The following RARB variants were observed in gnomAD, a reference collection of about 807,000 sequenced individuals.
The protein encoded by RARB is retinoic acid receptor beta.
Under a neutral mutation model 51.9 loss-of-function variants are expected in RARB, and 17 were observed. The observed-to-expected ratio is 0.33, with a 90% confidence interval of 0.22 to 0.49. The LOEUF is 0.49. Ranked by LOEUF, RARB falls within the 20% of genes least tolerant of loss-of-function variation. The probability of loss-of-function intolerance (pLI) is 0.99; values close to 1 mark genes in which losing one functional copy is unlikely to be tolerated. For synonymous variants in RARB, 215 were observed against 195.4 expected, an observed-to-expected ratio of 1.10 and a Z score of -0.84; for missense variants, 369 against 550.8, an observed-to-expected ratio of 0.67 and a Z score of 3.30.
At chr3:25,171,012 C>CTT (rs112633349) in intron 4 of RARB, among the ~76,000 whole-genome samples, 3 of 149,428 alleles carry the variant, frequency 2.0e-5, no homozygotes, top group Admixed American at 6.7e-5. Context: ...TTATTTTAAT[C>CTT]TTTTTTTTTT....
intron 5 of RARB, among the ~76,000 whole-genome samples, chr3:25,315,121 G>A (rs1209235908): frequency 6.6e-6 from 1 of 152,146 alleles, no homozygotes; most frequent in African/African-American, 2.4e-5. Context: ...TAAAATTCAT[G>A]CTGAATGTGG....
intron 2 of RARB, among the ~76,000 whole-genome samples, chr3:24,861,966 C>T (rs1702756940): frequency 6.6e-6 from 1 of 152,208 alleles, no homozygotes; most frequent in Admixed American, 6.5e-5. Flanking sequence ...AGTGGATCAG[C>T]TGTCCTGCTG....
intron 2 of RARB, among the ~76,000 whole-genome samples, chr3:24,925,468 C>T (rs1273510086): frequency 4.0e-5 from 6 of 151,652 alleles, no homozygotes. Flanking sequence ...TACGGCAAAA[C>T]CCTGTCTCTA....
chr3:25,193,530 T>C (rs1227718271), intron 5 of RARB, among the ~76,000 whole-genome samples: 2 of 152,060 alleles, frequency 1.3e-5, no homozygotes, highest in Admixed American at 6.6e-5. Flanking sequence ...TCAACTGTAA[T>C]TGCTTGTCAG....
intron 1 of RARB, among the ~76,000 whole-genome samples, chr3:24,857,513 T>G (rs1702657105): frequency 6.6e-6 from 1 of 152,254 alleles, no homozygotes; most frequent in South Asian, 2.1e-4. Context: ...ACATGGTAGA[T>G]ACACGTATAC....
intron 2 of RARB, among the ~76,000 whole-genome samples, chr3:24,893,725 A>G (rs926305096): frequency 6.0e-5 from 9 of 151,024 alleles, no homozygotes; most frequent in Admixed American, 4.6e-4. Flanking sequence ...GGGTCTCACT[A>G]TGTTGCCTAG....
At chr3:25,228,451 C>T (rs747827130) in intron 5 of RARB, among the ~76,000 whole-genome samples, 3 of 151,898 alleles carry the variant, frequency 2.0e-5, no homozygotes, top group Non-Finnish European at 4.4e-5. Flanking sequence ...TTTATCTTCT[C>T]GGCATGATCA....
chr3:25,224,168 T>G (rs779929406), intron 5 of RARB, among the ~76,000 whole-genome samples: 8 of 152,322 alleles, frequency 5.3e-5, no homozygotes, highest in Non-Finnish European at 1.0e-4. Flanking sequence ...TTTGTGCAGT[T>G]GAAGATAATT....
intron 4 of RARB, among the ~76,000 whole-genome samples, chr3:25,572,799 C>G (rs1700757397): frequency 1.3e-5 from 2 of 152,134 alleles, no homozygotes; most frequent in African/African-American, 4.8e-5. Context: ...ACTGCTACAT[C>G]AGGGTCCCCC....
chr3:25,456,211 A>G (rs1694896001), intron 1 of RARB, among the ~76,000 whole-genome samples: 2 of 152,240 alleles, frequency 1.3e-5, no homozygotes, highest in Admixed American at 1.3e-4. Flanking sequence ...GGACTAATAG[A>G]TTATTGATTT....
intron 5 of RARB, among the ~76,000 whole-genome samples, chr3:25,205,453 C>T (rs1051776718): frequency 1.3e-5 from 2 of 152,124 alleles, no homozygotes; most frequent in African/African-American, 4.8e-5. Flanking sequence ...GTCCAACAAT[C>T]CCCAGTGAGA....
chr3:25,514,458 C>G (rs1698057536), intron 3 of RARB, among the ~76,000 whole-genome samples: 1 of 151,962 alleles, frequency 6.6e-6, no homozygotes, highest in South Asian at 2.1e-4. Context: ...AAAATACACA[C>G]TTGATTGTTC....
chr3:24,976,769 AT>A (rs1696522543), intron 2 of RARB, among the ~76,000 whole-genome samples: 2 of 152,126 alleles, frequency 1.3e-5, no homozygotes, highest in African/African-American at 4.8e-5. Context: ...GTTTAATTAG[AT>A]CCCATTTGTC....
chr3:24,991,024 C>A (rs1696898119), intron 2 of RARB, among the ~76,000 whole-genome samples: 1 of 152,168 alleles, frequency 6.6e-6, no homozygotes, highest in East Asian at 1.9e-4. Context: ...TTAGCAGTTT[C>A]TACTACATAG....
At chr3:25,195,442 G>T (rs541695124) in intron 5 of RARB, among the ~76,000 whole-genome samples, 1 of 151,944 alleles carries the variant, frequency 6.6e-6, no homozygotes, top group Non-Finnish European at 1.5e-5. Flanking sequence ...TTCTTAAGAC[G>T]ATTCAGACAT....
chr3:25,512,818 G>T (rs1336158815), intron 3 of RARB, among the ~76,000 whole-genome samples: 1 of 152,170 alleles, frequency 6.6e-6, no homozygotes, highest in African/African-American at 2.4e-5. Context: ...GGGTGGTCCA[G>T]GAGCTTTTGG....
chr3:25,254,546 A>C (rs928591059), intron 5 of RARB, among the ~76,000 whole-genome samples: 1 of 152,076 alleles, frequency 6.6e-6, no homozygotes, highest in Non-Finnish European at 1.5e-5. Context: ...TTAGCAGCCA[A>C]ATGGTTTTTC....
chr3:25,467,374 C>G (rs1178103531), intron 2 of RARB, among the ~76,000 whole-genome samples: 1 of 152,246 alleles, frequency 6.6e-6, no homozygotes, highest in African/African-American at 2.4e-5. Flanking sequence ...CTAGGACGGT[C>G]TCACTCACAT....
chr3:25,347,062 A>G (rs1178167786), intron 5 of RARB, among the ~76,000 whole-genome samples: 2 of 152,206 alleles, frequency 1.3e-5, no homozygotes, highest in Non-Finnish European at 1.5e-5. Context: ...GTTGAGAATG[A>G]AGGAGTAGGT....
Sources: allele counts gnomAD v4.1 joint callset (sites outside exome capture counted in the v4.1 genomes callset), GRCh38; gene constraint gnomAD v4.1.1; transcripts MANE v1.5; gene names NCBI Gene and HGNC (gene_info 2026-07-23, HGNC 2026-07-21).